Variants in ZNF423 observed in about 807,000 individuals in gnomAD.
ZNF423 encodes zinc finger protein 423.
ZNF423 carries 12 observed loss-of-function variants against 95.8 expected under a neutral mutation model. The ratio of observed to expected loss-of-function variants is 0.13; its 90% CI spans 0.08 to 0.20. ZNF423 has a LOEUF of 0.20. Among genes scored for constraint, ZNF423 ranks in the 10% least tolerant of loss-of-function variants. The probability of loss-of-function intolerance (pLI) is 1.00; values close to 1 mark genes in which losing one functional copy is unlikely to be tolerated. For synonymous variants in ZNF423, 749 were observed against 711.9 expected, an observed-to-expected ratio of 1.05 and a Z score of -0.83; for missense variants, 1,316 against 1,737.1, an observed-to-expected ratio of 0.76 and a Z score of 4.31.
chr16:49,494,837 A>T (rs1306988467), intron 7 of ZNF423, among the ~76,000 whole-genome samples: 1 of 152,234 alleles, frequency 6.6e-6, no homozygotes, highest in Non-Finnish European at 1.5e-5. Context: ...CACAGCTAGA[A>T]GCTGTGGTTT....
chr16:49,691,814 C>T (rs960345962), intron 3 of ZNF423, among the ~76,000 whole-genome samples: 3 of 152,146 alleles, frequency 2.0e-5, no homozygotes, highest in Non-Finnish European at 4.4e-5. Context: ...GGTGGCTGCA[C>T]AAGGGAAGCG....
chr16:49,557,948 G>A (rs565959137), intron 5 of ZNF423, among the ~76,000 whole-genome samples: 30 of 152,338 alleles, frequency 2.0e-4, no homozygotes, highest in African/African-American at 6.5e-4. Flanking sequence ...CTCCAGAGGG[G>A]CTGAGCCTCA....
At chr16:49,502,913 TACACACACACACACACAC>T (rs55819934) in intron 7 of ZNF423, among the ~76,000 whole-genome samples, 1 of 122,796 alleles carries the variant, frequency 8.1e-6, no homozygotes, top group Non-Finnish European at 1.7e-5. Context: ...TGTGCACGCA[TACACACACACACACACAC>T]ACACACACAC....
At chr16:49,510,879 C>A (rs147652439) in intron 7 of ZNF423, among the ~76,000 whole-genome samples, 126 of 152,352 alleles carry the variant, frequency 8.3e-4, no homozygotes, top group East Asian at 7.0e-3. Flanking sequence ...CGGCCTGAGG[C>A]TCCTGGCAGC....
chr16:49,761,952 G>A (rs961626240), intron 2 of ZNF423, among the ~76,000 whole-genome samples: 3 of 152,158 alleles, frequency 2.0e-5, no homozygotes, highest in Non-Finnish European at 2.9e-5. Flanking sequence ...CAACTAGCTA[G>A]GACTACAGGA....
chr16:49,794,577 G>A (rs1036971275), intron 1 of ZNF423, among the ~76,000 whole-genome samples: 2 of 152,154 alleles, frequency 1.3e-5, no homozygotes, highest in East Asian at 1.9e-4. Context: ...GCATGCACAC[G>A]CTCATGTGTG....
chr16:49,542,884 C>T (rs1969302551), intron 5 of ZNF423, among the ~76,000 whole-genome samples: 1 of 152,142 alleles, frequency 6.6e-6, no homozygotes, highest in Admixed American at 6.5e-5. Context: ...CTCAGAGCAC[C>T]CCGTGGCCCC....
At position 49,614,031 on chromosome 16, in the gene ZNF423, A is replaced by G. The variant is rs1382468693; in HGVS notation, c.3601+12139T>C. Among the ~76,000 whole-genome samples the G allele has an allele frequency of 2.0e-5, 3 of 152,228 alleles. No homozygotes were observed. The East Asian group carries it at 5.8e-4, about 29-fold the overall frequency. ...AAATGACAAGCTCCAGACTGGGAAAAATATTTGCTGACCACATACCTAACA... is the reference window on the plus strand; with the variant it reads ...AAATGACAAGCTCCAGACTGGGAAAGATATTTGCTGACCACATACCTAACA... On this transcript the variant is annotated intron_variant, in intron 5 of 7. Coordinates refer to ENST00000563137, the MANE Select transcript of ZNF423 (RefSeq NM_001379286.1).
chr16:49,709,154 C>T (rs8054520), intron 3 of ZNF423, among the ~76,000 whole-genome samples: 3 of 107,214 alleles, frequency 2.8e-5, no homozygotes, highest in Non-Finnish European at 5.8e-5. Flanking sequence ...AAAACTCAAA[C>T]GTTCAGCAGC....
intron 5 of ZNF423, among the ~76,000 whole-genome samples, chr16:49,579,976 A>G (rs1438894133): frequency 6.6e-6 from 1 of 152,118 alleles, no homozygotes; most frequent in Non-Finnish European, 1.5e-5. Flanking sequence ...ACCACCATGG[A>G]CTGTCATCTC....
At chr16:49,681,215 G>T (rs912139765) in intron 3 of ZNF423, among the ~76,000 whole-genome samples, 1 of 152,198 alleles carries the variant, frequency 6.6e-6, no homozygotes, top group Admixed American at 6.5e-5. Context: ...TGGATTTGGG[G>T]AAAACCAACT....
intron 5 of ZNF423, among the ~76,000 whole-genome samples, chr16:49,601,367 G>A (rs1971367895): frequency 1.3e-5 from 2 of 152,206 alleles, no homozygotes; most frequent in African/African-American, 2.4e-5. Context: ...GGGGCTGATG[G>A]GAGAATTAAG....
At chr16:49,512,726 C>A (rs1199345137) in intron 7 of ZNF423, among the ~76,000 whole-genome samples, 1 of 152,216 alleles carries the variant, frequency 6.6e-6, no homozygotes, top group African/African-American at 2.4e-5. Flanking sequence ...ATCTTCACAA[C>A]AACCCGAGGC....
intron 3 of ZNF423, among the ~76,000 whole-genome samples, chr16:49,669,146 A>G (rs2151923474): frequency 6.6e-6 from 1 of 152,152 alleles, no homozygotes; most frequent in South Asian, 2.1e-4. Context: ...CCTGACCAAC[A>G]TGAAGAAACC....
intron 1 of ZNF423, among the ~76,000 whole-genome samples, chr16:49,818,538 G>A (rs1195208071): frequency 2.0e-5 from 3 of 152,062 alleles, no homozygotes; most frequent in Non-Finnish European, 4.4e-5. Flanking sequence ...CTGCACCTGT[G>A]TATAGACACT....
intron 3 of ZNF423, among the ~76,000 whole-genome samples, chr16:49,655,632 C>T (rs545973579): frequency 4.9e-4 from 74 of 152,302 alleles, no homozygotes; most frequent in African/African-American, 1.3e-3. Context: ...GGGCGCACCA[C>T]CTTTCAGTGA....
intron 1 of ZNF423, among the ~76,000 whole-genome samples, chr16:49,821,878 C>T (rs576646952): frequency 6.6e-6 from 1 of 152,312 alleles, no homozygotes; most frequent in South Asian, 2.1e-4. Flanking sequence ...CAAGGCTGTG[C>T]TCAAAGGCGG....
At chr16:49,747,352 ACTAT>A (rs1447111455) in intron 2 of ZNF423, among the ~76,000 whole-genome samples, 1 of 152,164 alleles carries the variant, frequency 6.6e-6, no homozygotes, top group Non-Finnish European at 1.5e-5. Context: ...CTAAAGATAA[ACTAT>A]CTATATGGTA....
intron 3 of ZNF423, among the ~76,000 whole-genome samples, chr16:49,698,305 C>G (rs1328939061): frequency 1.3e-5 from 2 of 152,042 alleles, no homozygotes; most frequent in African/African-American, 4.8e-5. Flanking sequence ...GAGTGTGCAG[C>G]CTGCTCACGG....
Sources: allele counts gnomAD v4.1 joint callset (sites outside exome capture counted in the v4.1 genomes callset), GRCh38; gene constraint gnomAD v4.1.1; transcripts MANE v1.5; gene names NCBI Gene and HGNC (gene_info 2026-07-23, HGNC 2026-07-21).